The following PARN variants were observed in gnomAD, a reference collection of about 807,000 sequenced individuals.
The protein encoded by PARN is poly(A)-specific ribonuclease PARN.
A neutral mutation model predicts 102.8 loss-of-function variants in PARN; 71 were observed. That is an observed-to-expected ratio of 0.69 (90% CI 0.57 to 0.84). PARN has a LOEUF of 0.84. PARN is among the 40% of genes least tolerant of loss of function. PARN has a pLI of 0.00. For synonymous variants in PARN, 261 were observed against 252.9 expected, an observed-to-expected ratio of 1.03 and a Z score of -0.30; for missense variants, 782 against 760.9, an observed-to-expected ratio of 1.03 and a Z score of -0.33.
intron 21 of PARN, among the ~76,000 whole-genome samples, chr16:14,497,966 A>T (rs1964401184): frequency 6.6e-6 from 1 of 152,096 alleles, no homozygotes; most frequent in Non-Finnish European, 1.5e-5. Flanking sequence ...TCTACTAAAA[A>T]TACAGAAATG....
chr16:14,506,092 A>C (rs757411297), intron 21 of PARN, among the ~76,000 whole-genome samples: 5 of 152,256 alleles, frequency 3.3e-5, no homozygotes, highest in African/African-American at 9.6e-5. Context: ...TGATGCACTG[A>C]AAAGAGCACA....
chr16:14,599,862 T>G (rs1438575663), intron 12 of PARN, 42 bp downstream of exon 12: 1 of 1,214,320 alleles, frequency 8.2e-7, no homozygotes, highest in Non-Finnish European at 1.2e-6. Flanking sequence ...TCACCTGAAA[T>G]AGTATGTTCT....
chr16:14,447,003 T>A lies in PARN; in HGVS notation c.1749A>T (p.Ser583=). The A allele has an allele frequency of 6.2e-7, 1 of 1,613,314 alleles. No individual in the cohort carries two copies. Among genetic ancestry groups the A allele is most frequent in the South Asian group, 1.1e-5 (1 of 91,070 alleles). ...CAAGCTCAGTGTCGGAAATCTCCCCTGACACTCCGTCCTCCAGGCCAGCTT... is the reference window on the plus strand; with the variant it reads ...CAAGCTCAGTGTCGGAAATCTCCCCAGACACTCCGTCCTCCAGGCCAGCTT... The part of the protein sequence containing the change: ...QEEAGLEDGV[S]GEISDTELEQ... The change falls in exon 23 of 24, where the codon TCA becomes TCT. Residue 583 remains serine, a synonymous_variant. Transcript: ENST00000437198.
chr16:14,548,713 G>C (rs1967114478), intron 21 of PARN, among the ~76,000 whole-genome samples: 1 of 152,184 alleles, frequency 6.6e-6, no homozygotes, highest in Non-Finnish European at 1.5e-5. Context: ...CCAGAACTTT[G>C]GGAGGCTGAG....
chr16:14,553,763 T>C (rs1967479691), intron 20 of PARN, among the ~76,000 whole-genome samples: 1 of 152,230 alleles, frequency 6.6e-6, no homozygotes, highest in Non-Finnish European at 1.5e-5. Context: ...AGTTTAATCT[T>C]AAAAATTATT....
rs752159086 is a variant in PARN, at chr16:14,484,557, G to A, written c.1481-1730C>T. ...TGGAATAGTTCTCAATAAAAATGATGTGACTGAATGCAGAGCAGAATGCAG... is the reference window on the plus strand; with the variant it reads ...TGGAATAGTTCTCAATAAAAATGATATGACTGAATGCAGAGCAGAATGCAG... On this transcript the variant is annotated intron_variant, in intron 21 of 23. Transcript: ENST00000437198. Among the ~76,000 whole-genome samples, 14 of 152,214 alleles carry A rather than the reference G, an allele frequency of 9.2e-5. 1 individual carries two copies. Among genetic ancestry groups the A allele is most frequent in the Admixed American group, 3.3e-4 (5 of 15,282 alleles).
At chr16:14,451,839 T>C in intron 22 of PARN, among the ~76,000 whole-genome samples, 2 of 80,006 alleles carry the variant, frequency 2.5e-5, no homozygotes, top group Admixed American at 2.0e-4. Context: ...AGAAACCCCG[T>C]CTCTAAAAAA....
intron 18 of PARN, among the ~76,000 whole-genome samples, chr16:14,562,294 A>G (rs1968114974): frequency 6.6e-6 from 1 of 151,474 alleles, no homozygotes; most frequent in Middle Eastern, 3.2e-3. Flanking sequence ...GACTGCTACA[A>G]AGAAATACAG....
chr16:14,619,722 T>A (rs1476589289), intron 5 of PARN, among the ~76,000 whole-genome samples: 1 of 151,588 alleles, frequency 6.6e-6, no homozygotes, highest in Non-Finnish European at 1.5e-5. Flanking sequence ...TGAGCTGTGA[T>A]CACACCGCTG....
intron 20 of PARN, among the ~76,000 whole-genome samples, chr16:14,553,249 T>C (rs1384382849): frequency 2.8e-5 from 3 of 108,724 alleles, no homozygotes; most frequent in Admixed American, 1.0e-4. Flanking sequence ...AAGACCCTAT[T>C]TCTATTTAAA....
At position 14,629,752 on chromosome 16, in the gene PARN, G is replaced by C. The variant is rs541292973; in HGVS notation, c.20-78C>G. 58 of 1,071,772 alleles carry C rather than the reference G, an allele frequency of 5.4e-5. No homozygotes were observed. In the African/African-American group the frequency reaches 8.7e-4, roughly 16 times the overall value. The allele number at this position is 1,071,772 out of a possible 1,614,324, so 66.4% of individuals were successfully genotyped here. ...GGGGAGAGGGAAGGAGGGCCGAGGA[G>C]CTCCCGAGGCTGAGAGCCGGAAGGG... On this transcript the variant is annotated intron_variant, in intron 1 of 23. Coordinates refer to ENST00000437198, the MANE Select transcript of PARN (RefSeq NM_002582.4).
intron 6 of PARN, among the ~76,000 whole-genome samples, chr16:14,616,022 A>T (rs1028361805): frequency 1.3e-5 from 2 of 152,056 alleles, no homozygotes. Context: ...AAGTTCAGTT[A>T]TTTTTGTTGG....
intron 21 of PARN, among the ~76,000 whole-genome samples, chr16:14,543,608 G>A (rs1353988079): frequency 6.6e-6 from 1 of 152,090 alleles, no homozygotes; most frequent in East Asian, 1.9e-4. Flanking sequence ...GGTATAATAT[G>A]AACTCTGAGA....
chr16:14,470,805 C>T (rs984365776), intron 22 of PARN, among the ~76,000 whole-genome samples: 3 of 151,874 alleles, frequency 2.0e-5, no homozygotes, highest in African/African-American at 7.3e-5. Flanking sequence ...TTTCTTTGCT[C>T]TGTTGCCCAG....
At chr16:14,570,456 C>T (rs1968731315) in intron 18 of PARN, among the ~76,000 whole-genome samples, 2 of 151,026 alleles carry the variant, frequency 1.3e-5, no homozygotes, top group African/African-American at 2.4e-5. Flanking sequence ...TCGAGACCAG[C>T]CTGCCCAACA....
chr16:14,445,107 T>C lies in PARN; in HGVS notation c.1864+1781A>G, dbSNP rs562087738. On this transcript the variant is annotated intron_variant, in intron 23 of 23. Transcript: ENST00000437198. Reference sequence around the variant, plus strand: ...CTTCCCAGAGTGGTGGGATTATAGTTGTGAGCTACCATGCCTGGCCCCCTC... The same window carrying C: ...CTTCCCAGAGTGGTGGGATTATAGTCGTGAGCTACCATGCCTGGCCCCCTC... Among the ~76,000 whole-genome samples, 8 of 151,396 alleles carry C rather than the reference T, an allele frequency of 5.3e-5. No homozygotes were observed. The East Asian group carries it at 1.6e-3, about 29-fold the overall frequency.
chr16:14,608,487 T>A (rs1971328281), intron 8 of PARN, among the ~76,000 whole-genome samples, 168 bp from the exon 9 acceptor site: 1 of 152,198 alleles, frequency 6.6e-6, no homozygotes, highest in Non-Finnish European at 1.5e-5. Context: ...GATTTCCTCA[T>A]CACTTGTCTT....
chr16:14,601,776 A>T (rs1343020491), intron 11 of PARN: 1 of 151,720 alleles, frequency 6.6e-6, no homozygotes, highest in Non-Finnish European at 1.5e-5. Flanking sequence ...TACAAAAATT[A>T]GCCGGACGCA....
At chr16:14,584,645 T>G (rs1417815337) in intron 15 of PARN, 104 bp downstream of exon 15, 1 of 834,282 alleles carries the variant, frequency 1.2e-6, no homozygotes, top group East Asian at 2.5e-5. Flanking sequence ...TCTTTACAGA[T>G]GCATTAAATA....
Sources: allele counts gnomAD v4.1 joint callset (sites outside exome capture counted in the v4.1 genomes callset), GRCh38; gene constraint gnomAD v4.1.1; transcripts MANE v1.5; gene names NCBI Gene and HGNC (gene_info 2026-07-23, HGNC 2026-07-21).